The following CRADD variants were observed in gnomAD, a reference collection of about 807,000 sequenced individuals.
The protein encoded by CRADD is death domain-containing protein CRADD.
CRADD carries 9 observed loss-of-function variants against 15.5 expected under a neutral mutation model. The ratio of observed to expected loss-of-function variants is 0.58; its 90% CI spans 0.35 to 1.01. The LOEUF (loss-of-function observed/expected upper bound fraction) is 1.01. Among genes scored for constraint, CRADD ranks in the 50% least tolerant of loss-of-function variants. CRADD has a pLI of 0.02. For missense variants in CRADD, 227 were observed against 250.3 expected (o/e 0.91, Z 0.63); for synonymous variants, 118 against 107.6 (o/e 1.10, Z -0.60).
At chr12:93,770,362 G>C (rs9971741) in intron 2 of CRADD, among the ~76,000 whole-genome samples, 75,891 of 151,404 alleles carry the variant, frequency 0.5, 19,497 homozygotes, top group East Asian at 0.8. Flanking sequence ...CTCCCAAAGT[G>C]CTGGGATTAC....
intron 2 of CRADD, among the ~76,000 whole-genome samples, chr12:93,739,978 A>C (rs1173261036): frequency 6.6e-6 from 1 of 152,138 alleles, no homozygotes; most frequent in African/African-American, 2.4e-5. Flanking sequence ...GGAGCACCTA[A>C]CTTTAGAAGA....
At chr12:93,684,295 C>T (rs1029055230) in intron 2 of CRADD, among the ~76,000 whole-genome samples, 7 of 152,110 alleles carry the variant, frequency 4.6e-5, no homozygotes, top group Non-Finnish European at 7.4e-5. Flanking sequence ...ATGATGGTTT[C>T]GGGATGAAAC....
At chr12:93,814,803 C>T (rs1957672783) in intron 2 of CRADD, among the ~76,000 whole-genome samples, 2 of 152,138 alleles carry the variant, frequency 1.3e-5, no homozygotes, top group Admixed American at 1.3e-4. Context: ...AACAAGGATG[C>T]GTGAAACCAG....
intron 2 of CRADD, among the ~76,000 whole-genome samples, chr12:93,734,293 T>G (rs1956525227): frequency 6.6e-6 from 1 of 152,222 alleles, no homozygotes; most frequent in Admixed American, 6.5e-5. Flanking sequence ...TTCAAATGTA[T>G]TATTTCATTT....
chr12:93,753,702 C>T (rs926784988), intron 2 of CRADD, among the ~76,000 whole-genome samples: 1 of 152,236 alleles, frequency 6.6e-6, no homozygotes, highest in Non-Finnish European at 1.5e-5. Context: ...CCTTTGACTC[C>T]ATGTCTCACA....
chr12:93,752,652 T>A (rs1192487830), intron 2 of CRADD, among the ~76,000 whole-genome samples: 1 of 152,146 alleles, frequency 6.6e-6, no homozygotes, highest in Non-Finnish European at 1.5e-5. Context: ...ATTTTCATAG[T>A]GCTATGAAGA....
At chr12:93,811,362 T>C (rs1440933523) in intron 2 of CRADD, among the ~76,000 whole-genome samples, 1 of 152,204 alleles carries the variant, frequency 6.6e-6, no homozygotes, top group Admixed American at 6.5e-5. Flanking sequence ...TTCCAGGCTG[T>C]GTGATAGGAC....
chr12:93,864,153 C>G (rs1469951940), intron 2 of CRADD, among the ~76,000 whole-genome samples: 1 of 152,194 alleles, frequency 6.6e-6, no homozygotes, highest in African/African-American at 2.4e-5. Flanking sequence ...GTCCCAGGCT[C>G]AAGCAATCCT....
intron 2 of CRADD, among the ~76,000 whole-genome samples, chr12:93,703,978 C>CTTTTTTTTTTTTTTT: frequency 1.1e-5 from 1 of 90,270 alleles, no homozygotes; most frequent in Non-Finnish European, 2.2e-5. Flanking sequence ...TGGAGCCTTT[C>CTTTTTTTTTTTTTTT]TTTTTTTTTT....
At chr12:93,843,319 T>C (rs115688465) in intron 2 of CRADD, among the ~76,000 whole-genome samples, 2,575 of 152,234 alleles carry the variant, frequency 0.017, 86 homozygotes, top group African/African-American at 0.057. Flanking sequence ...TGTTTAATTT[T>C]TGCGGTATCT....
At chr12:93,864,009 G>C (rs1268458751) in intron 2 of CRADD, among the ~76,000 whole-genome samples, 1 of 152,050 alleles carries the variant, frequency 6.6e-6, no homozygotes, top group East Asian at 1.9e-4. Flanking sequence ...ATACACACAT[G>C]AAGTCGGGAA....
At chr12:93,764,850 C>G (rs1228946851) in intron 2 of CRADD, among the ~76,000 whole-genome samples, 1 of 151,024 alleles carries the variant, frequency 6.6e-6, no homozygotes, top group Non-Finnish European at 1.5e-5. Context: ...AATTATAGGA[C>G]TTAACTTTCT....
Position 93,849,982 on chromosome 12 carries a change from C to T in CRADD, c.311C>T (p.Thr104Ile), listed in dbSNP as rs151193706. Residue 104 changes from threonine (T) to isoleucine (I), a missense_variant, in exon 3 of 3, where the codon ACT becomes ATT. By Grantham distance (89) the Thr-to-Ile change is moderately conservative (BLOSUM62 -1). Coordinates refer to ENST00000332896, the MANE Select transcript of CRADD (RefSeq NM_003805.5). Reference protein sequence around the residue: ...MTDLPAGDRLTGIPSHILNSS... With the variant: ...MTDLPAGDRLIGIPSHILNSS... The stretch of plus-strand genomic sequence containing the variant: ...TTTTCCTCCTCAGGTGACAGATTGA[C>T]TGGGATCCCCTCGCACATCCTCAAC... 5 of 1,601,760 alleles carry T rather than the reference C, an allele frequency of 3.1e-6. No homozygotes were observed. In the East Asian group the frequency reaches 1.1e-4, roughly 36 times the overall value.
intron 2 of CRADD, among the ~76,000 whole-genome samples, chr12:93,839,371 A>G (rs988045247): frequency 2.6e-5 from 4 of 152,218 alleles, no homozygotes; most frequent in African/African-American, 9.6e-5. Flanking sequence ...GGGTTTCTGG[A>G]TTATAAGATA....
At chr12:93,783,518 T>G (rs1345578661) in intron 2 of CRADD, among the ~76,000 whole-genome samples, 1 of 152,098 alleles carries the variant, frequency 6.6e-6, no homozygotes, top group Non-Finnish European at 1.5e-5. Flanking sequence ...GTGAGAAAGA[T>G]GCAAGGTATG....
Position 93,679,061 on chromosome 12 carries a change from A to G in CRADD, c.287A>G (p.Asp96Gly), listed in dbSNP as rs1333432405. The G allele has an allele frequency of 6.2e-7, 1 of 1,612,414 alleles. No individual in the cohort carries two copies. The highest frequency in any genetic ancestry group is 1.7e-5 in the Admixed American group (1 of 59,884). Reference protein sequence around the residue: ...LKKAREEAMTDLPAGDRLTGI... With the variant: ...LKKAREEAMTGLPAGDRLTGI... ...AAGGCAAGGGAAGAGGCCATGACCG[A>G]CCTGCCTGCAGGTAGGCCTCAGAAA... Residue 96 changes from aspartate (D) to glycine (G), a missense_variant, in exon 2 of 3, where the codon GAC (aspartate) becomes GGC (glycine). Coordinates refer to ENST00000332896, the MANE Select transcript of CRADD (RefSeq NM_003805.5).
chr12:93,734,832 T>G (rs913707017), intron 2 of CRADD, among the ~76,000 whole-genome samples: 1 of 152,192 alleles, frequency 6.6e-6, no homozygotes, highest in African/African-American at 2.4e-5. Context: ...CTTGTCCGTC[T>G]TCCCCCTATC....
intron 2 of CRADD, among the ~76,000 whole-genome samples, chr12:93,788,495 G>T (rs755386464): frequency 2.0e-5 from 3 of 152,164 alleles, no homozygotes; most frequent in Admixed American, 6.5e-5. Flanking sequence ...CCCAGTGGTG[G>T]CTCTCAGAGC....
At chr12:93,875,836 A>G (rs558915971) in intron 2 of CRADD, among the ~76,000 whole-genome samples, 3 of 152,254 alleles carry the variant, frequency 2.0e-5, no homozygotes, top group Admixed American at 6.5e-5. Context: ...TCAGGATAAG[A>G]GTAGTTTACA....
Sources: gnomAD v4.1 joint callset for allele counts (sites outside exome capture counted in the v4.1 genomes callset) on GRCh38, gnomAD v4.1.1 for gene constraint, MANE v1.5 for transcripts, NCBI Gene and HGNC (gene_info 2026-07-23, HGNC 2026-07-21) for gene names.